Variants in CDH12 observed in about 807,000 individuals in gnomAD.
CDH12 encodes cadherin 12.
In CDH12, 41 loss-of-function variants were observed where a neutral mutation model predicts 74.1. The observed-to-expected ratio is 0.55, with a 90% CI of 0.43 to 0.72. The LOEUF (loss-of-function observed/expected upper bound fraction) is 0.72, where lower values mean the gene tolerates loss of function less well. CDH12 is among the 30% of genes least tolerant of loss of function. The pLI is 0.00. For missense variants in CDH12, 945 were observed against 977.2 expected, an observed-to-expected ratio of 0.97 and a Z score of 0.44; for synonymous variants, 399 against 355.0, an observed-to-expected ratio of 1.12 and a Z score of -1.39.
intron 5 of CDH12, among the ~76,000 whole-genome samples, chr5:22,036,658 T>G (rs1233318025): frequency 6.6e-6 from 1 of 152,190 alleles, no homozygotes; most frequent in African/African-American, 2.4e-5. Context: ...TAATGAGACT[T>G]ATGTACACAG....
intron 11 of CDH12, chr5:21,774,526 A>C (rs1344019960): frequency 6.6e-6 from 1 of 152,130 alleles, no homozygotes; most frequent in Admixed American, 6.5e-5. Flanking sequence ...CATTTCCCCT[A>C]ATAAACTCCT....
intron 1 of CDH12, among the ~76,000 whole-genome samples, chr5:22,538,091 T>C (rs76512966): frequency 0.03 from 4,531 of 152,266 alleles, 111 homozygotes; most frequent in Non-Finnish European, 0.041. Context: ...TCTACCACCT[T>C]AGGGACTGAT....
At chr5:22,154,565 A>G (rs565247677) in intron 4 of CDH12, among the ~76,000 whole-genome samples, 7 of 150,148 alleles carry the variant, frequency 4.7e-5, no homozygotes, top group African/African-American at 1.7e-4. Flanking sequence ...ATATATATAC[A>G]CATATGTATA....
intron 2 of CDH12, among the ~76,000 whole-genome samples, chr5:22,461,680 G>C (rs778769073): frequency 2.6e-5 from 4 of 151,854 alleles, no homozygotes; most frequent in African/African-American, 7.3e-5. Flanking sequence ...AGCTGGGTGA[G>C]AGTCCATATT....
At chr5:21,880,867 C>T (rs1323875180) in intron 6 of CDH12, among the ~76,000 whole-genome samples, 1 of 151,662 alleles carries the variant, frequency 6.6e-6, no homozygotes, top group Non-Finnish European at 1.5e-5. Flanking sequence ...ATTTCTTGTT[C>T]TGAAGAGTGG....
At chr5:22,707,878 C>T (rs1348419077) in intron 1 of CDH12, among the ~76,000 whole-genome samples, 1 of 152,006 alleles carries the variant, frequency 6.6e-6, no homozygotes, top group Non-Finnish European at 1.5e-5. Flanking sequence ...ATGGCAGGCA[C>T]TAAACTAGCC....
intron 8 of CDH12, among the ~76,000 whole-genome samples, chr5:21,826,344 T>C (rs1748669204): frequency 6.6e-6 from 1 of 152,180 alleles, no homozygotes; most frequent in South Asian, 2.1e-4. Context: ...CAGCAAGTAG[T>C]ATTTCCACCT....
In CDH12 at chr5:22,206,939, C is replaced by A. The variant is rs184356943; in HGVS notation, c.-187+5559G>T. Among the ~76,000 whole-genome samples the A allele has an allele frequency of 6.0e-3, 901 of 150,626 alleles. 4 individuals are homozygous for A. The highest frequency in any genetic ancestry group is 9.9e-3 in the Non-Finnish European group (668 of 67,712). ...TTAAAAATATTCTACCACGGTCCGG[C>A]GTATTGGCTCACACCTGTAATCCCA... On this transcript the variant is annotated intron_variant, in intron 4 of 14. Transcript: ENST00000382254.
rs1279606394 is a variant in CDH12, at chr5:22,078,887, C to T, written c.-186-25G>A. On this transcript the variant is annotated intron_variant, in intron 4 of 14. Coordinates refer to ENST00000382254, the MANE Select transcript of CDH12 (RefSeq NM_004061.5). ...CCTATGAAATAGATGAACAAAGATA[C>T]ATTAAATTAATGAAATTGCATGATG... 7 of 1,226,094 alleles carry T rather than the reference C, an allele frequency of 5.7e-6. No homozygotes were observed. In the South Asian group the frequency reaches 1.0e-4, roughly 18 times the overall value. 76.0% of individuals were successfully genotyped at this position (1,226,094 alleles called of 1,614,324 possible). A position where few individuals can be genotyped will look rare whatever the true frequency, so the allele number is the denominator to read the frequency against.
At chr5:22,335,715 G>A (rs1308350583) in intron 3 of CDH12, among the ~76,000 whole-genome samples, 9 of 152,132 alleles carry the variant, frequency 5.9e-5, no homozygotes, top group Admixed American at 5.2e-4. Flanking sequence ...GGCCTCCCCA[G>A]CCACATGGAA....
chr5:22,248,991 C>A (rs904001205), intron 3 of CDH12, among the ~76,000 whole-genome samples: 6 of 152,018 alleles, frequency 3.9e-5, no homozygotes, highest in South Asian at 4.2e-4. Context: ...TTTCTTCTAC[C>A]TTTTACCGTT....
At chr5:22,540,864 A>G in intron 1 of CDH12, among the ~76,000 whole-genome samples, 1 of 152,230 alleles carries the variant, frequency 6.6e-6, no homozygotes, top group Non-Finnish European at 1.5e-5. Flanking sequence ...GTATGGATAT[A>G]TACATATGCA....
At chr5:22,308,933 A>AAG (rs147943865) in intron 3 of CDH12, among the ~76,000 whole-genome samples, 4 of 102,130 alleles carry the variant, frequency 3.9e-5, no homozygotes, top group African/African-American at 1.4e-4. Flanking sequence ...GAGAGAGAGA[A>AAG]AGAGAGAGAG....
intron 3 of CDH12, among the ~76,000 whole-genome samples, chr5:22,298,392 T>A (rs1737721970): frequency 6.6e-6 from 1 of 152,026 alleles, no homozygotes; most frequent in South Asian, 2.1e-4. Flanking sequence ...TCATTTAAGT[T>A]CTATACATGT....
intron 8 of CDH12, among the ~76,000 whole-genome samples, chr5:21,834,102 A>G (rs1318859511): frequency 6.6e-6 from 1 of 151,928 alleles, no homozygotes; most frequent in Non-Finnish European, 1.5e-5. Context: ...TAAAATTGTT[A>G]TGAGACTCAG....
At chr5:22,748,239 A>T (rs998080827) in intron 1 of CDH12, among the ~76,000 whole-genome samples, 10 of 152,178 alleles carry the variant, frequency 6.6e-5, no homozygotes, top group African/African-American at 2.4e-4. Flanking sequence ...TTAGTGTCAC[A>T]CTGTTTTAAG....
chr5:22,747,104 C>G (rs1285276412), intron 1 of CDH12, among the ~76,000 whole-genome samples: 1 of 152,032 alleles, frequency 6.6e-6, no homozygotes, highest in African/African-American at 2.4e-5. Context: ...GTGATGTGTA[C>G]TTTAATAAAT....
At chr5:21,798,885 A>G (rs10080128) in intron 10 of CDH12, among the ~76,000 whole-genome samples, 5,928 of 152,218 alleles carry the variant, frequency 0.039, 352 homozygotes, top group African/African-American at 0.13. Flanking sequence ...TTGGTACCAA[A>G]CGGTGGGGGT....
Position 21,755,801 on chromosome 5 carries a change from G to T in CDH12, c.1675C>A (p.Arg559Ser), listed in dbSNP as rs372690961. The change falls in exon 14 of 15, where the codon CGC (arginine) becomes AGC (serine). Residue 559 changes from arginine to serine, a missense_variant. Around this residue, in one of 3 missense-constraint regions of CDH12, gnomAD observed 791 missense variants for 792.8 expected, o/e 1.00. Transcript: ENST00000382254. ...GIETRRNGYS[R>S]RQQELYFLPV... ...AGGAAATACAACTCTTGCTGCCTGC[G>T]GCTGTATCCATTTCTTCGGGTTTCA... 8 of 1,613,696 alleles carry T rather than the reference G, an allele frequency of 5.0e-6. No individual in the cohort carries two copies. Among genetic ancestry groups the T allele is most frequent in the Non-Finnish European group, 6.8e-6 (8 of 1,179,838 alleles).
Sources: gnomAD v4.1 joint callset for allele counts (sites outside exome capture counted in the v4.1 genomes callset) on GRCh38, gnomAD v4.1.1 for gene constraint, gnomAD v4.1.1 regional missense constraint, MANE v1.5 for transcripts, NCBI Gene and HGNC (gene_info 2026-07-23, HGNC 2026-07-21) for gene names.